PPP6R3: variants seen among roughly 807,000 people sequenced by gnomAD.
The protein encoded by PPP6R3 is serine/threonine-protein phosphatase 6 regulatory subunit 3.
PPP6R3 carries 38 observed loss-of-function variants against 110.7 expected under a neutral mutation model. The observed-to-expected ratio is 0.34, with a 90% CI of 0.26 to 0.45. The LOEUF is 0.45. Ranked by LOEUF, PPP6R3 falls within the 20% of genes least tolerant of loss-of-function variation. PPP6R3 has a pLI of 1.00. For missense variants in PPP6R3, 870 were observed against 1,062.4 expected (o/e 0.82, Z 2.52); for synonymous variants, 369 against 373.5 (o/e 0.99, Z 0.14).
In PPP6R3 at chr11:68,494,433, A is replaced by G. The variant is rs952288264; in HGVS notation, c.-157-25068A>G. 2.3e-4 allele frequency among the ~76,000 whole-genome samples: 33 copies of G among 142,268 alleles called. No homozygotes were observed. The South Asian group carries it at 6.6e-3, about 28-fold the overall frequency. The allele number at this position is 142,268 out of a possible 152,430, so 93.3% of individuals were successfully genotyped here. The stretch of plus-strand genomic sequence containing the variant: ...CAAAAAAAAAAAAAAAAAAAAAAAA[A>G]GCTGGTACCTATACGCAAGTGTATC... On this transcript the variant is annotated intron_variant, in intron 1 of 23. Transcript: ENST00000393800.
At chr11:68,608,039 A>G (rs1303720115) in intron 22 of PPP6R3, among the ~76,000 whole-genome samples, 2 of 151,868 alleles carry the variant, frequency 1.3e-5, no homozygotes, top group Non-Finnish European at 2.9e-5. Context: ...TTCTTTAAAA[A>G]AAAAAAAAAA....
chr11:68,487,877 G>C (rs1042978082), intron 1 of PPP6R3, among the ~76,000 whole-genome samples: 4 of 152,164 alleles, frequency 2.6e-5, no homozygotes, highest in Admixed American at 2.0e-4. Flanking sequence ...ATTATACCCA[G>C]TTGATTGATG....
At chr11:68,493,286 GT>G (rs1318715364) in intron 1 of PPP6R3, among the ~76,000 whole-genome samples, 1 of 152,120 alleles carries the variant, frequency 6.6e-6, no homozygotes, top group Non-Finnish European at 1.5e-5. Flanking sequence ...GATAGTTCAT[GT>G]AATGTTTATA....
intron 2 of PPP6R3, among the ~76,000 whole-genome samples, chr11:68,528,197 G>A (rs943843111): frequency 1.4e-4 from 22 of 152,122 alleles, no homozygotes; most frequent in Admixed American, 4.6e-4. Context: ...CATATTAAAT[G>A]GATTTGATTC....
At chr11:68,531,400 T>C (rs1403108028) in intron 2 of PPP6R3, among the ~76,000 whole-genome samples, 1 of 151,998 alleles carries the variant, frequency 6.6e-6, no homozygotes, top group Non-Finnish European at 1.5e-5. Flanking sequence ...TGCAGTGGTA[T>C]GATCATAGCT....
chr11:68,576,164 A>C, intron 14 of PPP6R3, 121 bp downstream of exon 14: 1 of 709,830 alleles, frequency 1.4e-6, no homozygotes. Context: ...ATAAATTCTT[A>C]TCTCTTTACC....
intron 1 of PPP6R3, among the ~76,000 whole-genome samples, chr11:68,484,894 T>C (rs1487524397): frequency 7.2e-5 from 11 of 152,146 alleles, no homozygotes; most frequent in Admixed American, 7.2e-4. Context: ...GCCTTCTTTA[T>C]ATATTTTTGG....
intron 1 of PPP6R3, among the ~76,000 whole-genome samples, chr11:68,477,483 G>A (rs893768542): frequency 1.3e-5 from 2 of 152,028 alleles, no homozygotes; most frequent in Middle Eastern, 6.8e-3. Context: ...CACTTTGGGA[G>A]TCTGAGGTGG....
At chr11:68,599,757 TA>T (rs1301481633) in intron 19 of PPP6R3, among the ~76,000 whole-genome samples, 1 of 152,192 alleles carries the variant, frequency 6.6e-6, no homozygotes, top group African/African-American at 2.4e-5. Context: ...ACTAAGAAAT[TA>T]ACATTAATCC....
At position 68,567,731 on chromosome 11, in the gene PPP6R3, T is replaced by G. The variant is rs367905930; in HGVS notation, c.1128+565T>G. Among the ~76,000 whole-genome samples the G allele has an allele frequency of 2.0e-5, 3 of 152,304 alleles. No homozygotes were observed. In the South Asian group the frequency reaches 6.2e-4, roughly 32 times the overall value. ...GCCCAGCTCTGGAGCCCATGCTTCT[T>G]CTCTGTGTGCTGCCACCCACAGCAC... On this transcript the variant is annotated intron_variant, in intron 10 of 23. Coordinates refer to ENST00000393800, the MANE Select transcript of PPP6R3 (RefSeq NM_001164161.2).
chr11:68,549,363 G>A (rs1447517982), intron 5 of PPP6R3, among the ~76,000 whole-genome samples: 3 of 152,224 alleles, frequency 2.0e-5, no homozygotes, highest in Non-Finnish European at 4.4e-5. Flanking sequence ...TGAGGAGGAA[G>A]GTCTTTCAGG....
At chr11:68,583,985 T>C (rs1334670368) in intron 15 of PPP6R3, among the ~76,000 whole-genome samples, 1 of 152,240 alleles carries the variant, frequency 6.6e-6, no homozygotes, top group Non-Finnish European at 1.5e-5. Flanking sequence ...GGCCCTGTCT[T>C]TTGGCTTGTA....
chr11:68,554,105 T>G (rs776822352), intron 6 of PPP6R3, 40 bp from the exon 7 acceptor site: 14 of 1,399,164 alleles, frequency 1.0e-5, no homozygotes, highest in Admixed American at 2.0e-5. Flanking sequence ...ATTTAACTTC[T>G]AACATGTTTT....
chr11:68,548,848 G>A (rs933568175), intron 5 of PPP6R3, among the ~76,000 whole-genome samples: 10 of 152,064 alleles, frequency 6.6e-5, no homozygotes, highest in Non-Finnish European at 1.2e-4. Context: ...GTTTCTCCCA[G>A]GCTCCCATCT....
chr11:68,514,989 T>G (rs1044406497), intron 1 of PPP6R3: 1 of 152,230 alleles, frequency 6.6e-6, no homozygotes, highest in African/African-American at 2.4e-5. Flanking sequence ...GGGATTGTAA[T>G]TTTCAGGATT....
intron 1 of PPP6R3, among the ~76,000 whole-genome samples, chr11:68,495,139 A>G (rs1004627095): frequency 6.6e-6 from 1 of 152,302 alleles, no homozygotes; most frequent in African/African-American, 2.4e-5. Context: ...CCACTTCCCT[A>G]CTGTGTTACC....
chr11:68,605,973 A>G (rs1268610803), intron 22 of PPP6R3, among the ~76,000 whole-genome samples: 1 of 152,228 alleles, frequency 6.6e-6, no homozygotes. Flanking sequence ...TTGAATTCCA[A>G]AACCAGATAA....
At chr11:68,567,387 A>G (rs919667786) in intron 10 of PPP6R3, among the ~76,000 whole-genome samples, 18 of 152,208 alleles carry the variant, frequency 1.2e-4, no homozygotes, top group Admixed American at 1.1e-3. Flanking sequence ...GAATTGTAAC[A>G]TAGGATTTTG....
intron 1 of PPP6R3, among the ~76,000 whole-genome samples, chr11:68,503,966 A>G (rs1034169740): frequency 4.6e-5 from 7 of 152,228 alleles, no homozygotes; most frequent in South Asian, 2.1e-4. Context: ...CACTGGGGGA[A>G]TATGGGTAGG....
Sources: allele counts gnomAD v4.1 joint callset (sites outside exome capture counted in the v4.1 genomes callset), GRCh38; gene constraint gnomAD v4.1.1; transcripts MANE v1.5; gene names NCBI Gene and HGNC (gene_info 2026-07-23, HGNC 2026-07-21).